The following SGCZ variants were observed in gnomAD, a reference collection of about 807,000 sequenced individuals.
The protein encoded by SGCZ is sarcoglycan zeta.
SGCZ carries 40 observed loss-of-function variants against 41.3 expected under a neutral mutation model. The ratio of observed to expected loss-of-function variants is 0.97; its 90% confidence interval spans 0.75 to 1.26. The LOEUF (loss-of-function observed/expected upper bound fraction) is 1.26. Ranked by LOEUF, SGCZ falls within the 50% of genes most tolerant of loss-of-function variation. The pLI is 0.00. For synonymous variants in SGCZ, 206 were observed against 137.5 expected (o/e 1.50, Z -3.49); for missense variants, 552 against 369.8 (o/e 1.49, Z -4.04).
chr8:14,385,743 A>C (rs1004438916), intron 2 of SGCZ, among the ~76,000 whole-genome samples: 4 of 152,204 alleles, frequency 2.6e-5, no homozygotes, highest in African/African-American at 9.7e-5. Flanking sequence ...CCAAACAAAA[A>C]CAAAAAAACA....
intron 3 of SGCZ, among the ~76,000 whole-genome samples, chr8:14,295,982 C>G (rs1219564900): frequency 6.6e-6 from 1 of 152,154 alleles, no homozygotes; most frequent in Non-Finnish European, 1.5e-5. Context: ...TACTGGAGAA[C>G]TGTGAGGTAC....
Position 15,097,864 on chromosome 8 carries a change from GTGTATATATATATATATACGTGTGTATA to G in SGCZ, c.39+139693_39+139720del, listed in dbSNP as rs1563124033. ...TGTGTATATATATATATACGTGTGT[GTGTATATATATATATATACGTGTGTATA>G]TATATATATATATATATACGTGTGT... On this transcript the variant is annotated intron_variant, in intron 1 of 7. Transcript: ENST00000382080. 5.2e-4 allele frequency among the ~76,000 whole-genome samples: 19 copies of G among 36,640 alleles called. 1 individual carries two copies. Among genetic ancestry groups the G allele is most frequent in the Middle Eastern group, 0.013 (1 of 78 alleles). 24.0% of individuals were successfully genotyped at this position (36,640 alleles called of 152,430 possible). A position where few individuals can be genotyped will look rare whatever the true frequency, so the allele number is the denominator to read the frequency against.
intron 1 of SGCZ, among the ~76,000 whole-genome samples, chr8:15,100,097 A>C (rs2131079839): frequency 6.6e-6 from 1 of 152,292 alleles, no homozygotes; most frequent in South Asian, 2.1e-4. Context: ...CAAAAGTCAT[A>C]GCTAATCCAA....
chr8:14,449,748 T>C (rs1437222036), intron 2 of SGCZ, among the ~76,000 whole-genome samples: 1 of 152,130 alleles, frequency 6.6e-6, no homozygotes, highest in Non-Finnish European at 1.5e-5. Context: ...CAGATGCTAA[T>C]TGTGGCCATA....
intron 1 of SGCZ, among the ~76,000 whole-genome samples, chr8:15,134,881 C>T (rs1808049804): frequency 6.6e-6 from 1 of 152,112 alleles, no homozygotes; most frequent in Admixed American, 6.6e-5. Flanking sequence ...ACTTCTGAAA[C>T]ACGTTTGAAT....
chr8:14,605,806 A>G (rs1805730536), intron 1 of SGCZ, among the ~76,000 whole-genome samples: 1 of 152,226 alleles, frequency 6.6e-6, no homozygotes, highest in African/African-American at 2.4e-5. Context: ...AACAGAAAAC[A>G]TACTGGAATC....
chr8:14,821,248 T>G (rs1332994279), intron 1 of SGCZ, among the ~76,000 whole-genome samples: 3 of 151,934 alleles, frequency 2.0e-5, no homozygotes, highest in Admixed American at 6.6e-5. Flanking sequence ...AGACATACAC[T>G]GTCTACTAAA....
chr8:14,642,835 T>C lies in SGCZ; in HGVS notation c.40-87909A>G, dbSNP rs532779233. Among the ~76,000 whole-genome samples, 8 of 151,674 alleles carry C rather than the reference T, an allele frequency of 5.3e-5. No individual in the cohort carries two copies. In the East Asian group the frequency reaches 1.6e-3, roughly 30 times the overall value. On this transcript the variant is annotated intron_variant, in intron 1 of 7. Coordinates refer to ENST00000382080, the MANE Select transcript of SGCZ (RefSeq NM_139167.4). ...TTGTACTGAAACACAGCATGATTTC[T>C]CAATTTAAAAAAGTATTGGAAAGCA...
chr8:14,225,252 T>C (rs1806332488), intron 4 of SGCZ, among the ~76,000 whole-genome samples: 1 of 152,102 alleles, frequency 6.6e-6, no homozygotes, highest in Admixed American at 6.6e-5. Flanking sequence ...CTATTTAATG[T>C]TGTACCCCCA....
At chr8:14,456,391 A>G (rs938334836) in intron 2 of SGCZ, among the ~76,000 whole-genome samples, 1 of 152,216 alleles carries the variant, frequency 6.6e-6, no homozygotes, top group Non-Finnish European at 1.5e-5. Flanking sequence ...CTGCGCAAGA[A>G]GAGTGAAACT....
chr8:14,687,053 C>CA (rs1269142592), intron 1 of SGCZ, among the ~76,000 whole-genome samples: 1 of 150,942 alleles, frequency 6.6e-6, no homozygotes, highest in African/African-American at 2.4e-5. Flanking sequence ...ACTTTGGGCC[C>CA]AAAATGGTAT....
At chr8:14,961,013 A>G (rs1040642201) in intron 1 of SGCZ, among the ~76,000 whole-genome samples, 1 of 151,956 alleles carries the variant, frequency 6.6e-6, no homozygotes, top group Non-Finnish European at 1.5e-5. Context: ...ACAAAAGAAG[A>G]GAGTGCATTA....
At chr8:14,644,530 T>C (rs1248380640) in intron 1 of SGCZ, among the ~76,000 whole-genome samples, 1 of 151,828 alleles carries the variant, frequency 6.6e-6, no homozygotes, top group Admixed American at 6.6e-5. Flanking sequence ...TCTCTCTTTA[T>C]CTCTCCTTCA....
At chr8:14,540,962 A>G (rs1460024428) in intron 2 of SGCZ, among the ~76,000 whole-genome samples, 5 of 151,152 alleles carry the variant, frequency 3.3e-5, no homozygotes, top group Non-Finnish European at 5.9e-5. Flanking sequence ...CAGTTATATC[A>G]AAACAAGTAA....
At chr8:14,839,961 A>C (rs1802842566) in intron 1 of SGCZ, among the ~76,000 whole-genome samples, 1 of 152,142 alleles carries the variant, frequency 6.6e-6, no homozygotes, top group Non-Finnish European at 1.5e-5. Context: ...TTGTAGTATT[A>C]TGTAATCAAC....
chr8:14,432,019 T>A (rs920078828), intron 2 of SGCZ, among the ~76,000 whole-genome samples: 2 of 151,518 alleles, frequency 1.3e-5, no homozygotes, highest in Non-Finnish European at 2.9e-5. Flanking sequence ...ATCCAAAAAT[T>A]AAAAAAAATA....
intron 3 of SGCZ, among the ~76,000 whole-genome samples, chr8:14,251,148 A>C (rs1799269681): frequency 6.6e-6 from 1 of 152,132 alleles, no homozygotes; most frequent in South Asian, 2.1e-4. Flanking sequence ...GAATTGCTTG[A>C]ACTCGGGAGG....
At chr8:14,991,111 A>T (rs1348139281) in intron 1 of SGCZ, among the ~76,000 whole-genome samples, 1 of 152,214 alleles carries the variant, frequency 6.6e-6, no homozygotes, top group Non-Finnish European at 1.5e-5. Context: ...AATATTTTTA[A>T]CATTTTGGCA....
intron 1 of SGCZ, among the ~76,000 whole-genome samples, chr8:14,608,880 A>G (rs755091038): frequency 2.5e-4 from 38 of 152,326 alleles, no homozygotes; most frequent in Non-Finnish European, 4.1e-4. Flanking sequence ...AACTTTTTCT[A>G]AGATCATTAA....
Sources: gnomAD v4.1 joint callset for allele counts (sites outside exome capture counted in the v4.1 genomes callset) on GRCh38, gnomAD v4.1.1 for gene constraint, MANE v1.5 for transcripts, NCBI Gene and HGNC (gene_info 2026-07-23, HGNC 2026-07-21) for gene names.